The following KPNA4 variants were observed in gnomAD, a reference collection of about 807,000 sequenced individuals.
KPNA4 encodes the protein importin subunit alpha-3.
Under a neutral mutation model 71.3 loss-of-function variants are expected in KPNA4, and 13 were observed. The ratio of observed to expected loss-of-function variants is 0.18; its 90% confidence interval spans 0.12 to 0.29. The LOEUF is 0.29. Ranked by LOEUF, KPNA4 falls within the 10% of genes least tolerant of loss-of-function variation. KPNA4 has a pLI of 1.00. For missense variants in KPNA4, 334 were observed against 603.2 expected (o/e 0.55, Z 4.67); for synonymous variants, 189 against 195.2 (o/e 0.97, Z 0.26).
chr3:160,515,402 C>A, intron 12 of KPNA4, 50 bp downstream of exon 12: 1 of 1,455,888 alleles, frequency 6.9e-7, no homozygotes, highest in Non-Finnish European at 9.4e-7. Flanking sequence ...CAAATAGAAA[C>A]TGTTAACATT....
At chr3:160,503,337 C>T (rs952586870) in intron 16 of KPNA4, among the ~76,000 whole-genome samples, 1 of 152,054 alleles carries the variant, frequency 6.6e-6, no homozygotes, top group African/African-American at 2.4e-5. Flanking sequence ...ATTCCAAAAT[C>T]TGAAACTTTC....
rs1474976511 is a variant in KPNA4, at chr3:160,499,144, A to C, written c.*2960T>G. 1 of 152,230 alleles carries C rather than the reference A, an allele frequency of 6.6e-6. No individual in the cohort carries two copies. The highest frequency in any genetic ancestry group is 1.9e-4 in the East Asian group (1 of 5,208). The allele number at this position is 152,230 out of a possible 1,614,324, so 9.4% of individuals were successfully genotyped here. ...ATTCTAGATCCATTTTTAATGATTC[A>C]TAGATAGCTCTAATTATAGAAATGC... On this transcript the variant is annotated 3_prime_UTR_variant, in exon 17 of 17. Transcript: ENST00000334256.
intron 3 of KPNA4, 43 bp downstream of exon 3, chr3:160,535,765 C>T (rs935519190): frequency 1.3e-6 from 2 of 1,562,298 alleles, no homozygotes; most frequent in Non-Finnish European, 1.7e-6. Flanking sequence ...AAATCTTTCA[C>T]TCGTACTTTT....
intron 1 of KPNA4, among the ~76,000 whole-genome samples, chr3:160,551,941 G>C (rs922698857): frequency 3.4e-5 from 3 of 89,552 alleles, no homozygotes; most frequent in African/African-American, 9.9e-5. Context: ...GTCACAACTG[G>C]GGGGGGGGGG....
At chr3:160,556,953 C>T (rs1448335720) in intron 1 of KPNA4, among the ~76,000 whole-genome samples, 2 of 152,206 alleles carry the variant, frequency 1.3e-5, no homozygotes, top group Non-Finnish European at 2.9e-5. Context: ...ATAGGTAGGA[C>T]TATAGGTGTG....
intron 2 of KPNA4, among the ~76,000 whole-genome samples, chr3:160,536,279 A>T (rs931684542): frequency 6.6e-6 from 1 of 152,156 alleles, no homozygotes; most frequent in Admixed American, 6.5e-5. Context: ...ACCACCTAAA[A>T]GCAAAGTCAA....
rs1470910738 is a variant in KPNA4, at chr3:160,538,158, T to C, written c.70-1318A>G. On this transcript the variant is annotated intron_variant, in intron 1 of 16. Coordinates refer to ENST00000334256, the MANE Select transcript of KPNA4 (RefSeq NM_002268.5). ...GTATGTATATATGTATATATATGTATATATGTGTGTATATATGTACATATA... is the reference window on the plus strand; with the variant it reads ...GTATGTATATATGTATATATATGTACATATGTGTGTATATATGTACATATA... Among the ~76,000 whole-genome samples the C allele has an allele frequency of 7.3e-5, 11 of 150,084 alleles. No individual in the cohort carries two copies. The Admixed American group carries it at 7.3e-4, about 10-fold the overall frequency.
rs1409119323 is a variant in KPNA4 at position 160,546,514 on chromosome 3, T to A, written c.70-9674A>T. ...GCCTGGGTGATAGAGCAAGACTCCA[T>A]CTCAGAAAAAAAGAAGAATCTGTGA... On this transcript the variant is annotated intron_variant, in intron 1 of 16. Transcript: ENST00000334256. Among the ~76,000 whole-genome samples the A allele has an allele frequency of 2.0e-5, 3 of 152,124 alleles. 1 individual carries two copies.
rs1438378146 is a variant in KPNA4, at chr3:160,526,112, A to T, written c.557-5T>A. The T allele has an allele frequency of 5.3e-6, 8 of 1,506,862 alleles. No homozygotes were observed. The highest frequency in any genetic ancestry group is 7.1e-6 in the Non-Finnish European group (8 of 1,134,420). 93.3% of individuals were successfully genotyped at this position (1,506,862 alleles called of 1,614,324 possible). A position where few individuals can be genotyped will look rare whatever the true frequency, so the allele number is the denominator to read the frequency against. ...CTCTACACTGGGGCCCATCACCTGT[A>T]GAAAAAAAGGATTAATTTACTCAAT... On this transcript the variant is annotated splice_polypyrimidine_tract_variant and splice_region_variant and intron_variant, in intron 8 of 16. Coordinates refer to ENST00000334256, the MANE Select transcript of KPNA4 (RefSeq NM_002268.5).
rs778537548 is a variant in KPNA4 at position 160,530,816 on chromosome 3, A to G, written c.469+39T>C. ...TCACTATTTTTTACCGACTTCTTTTAAAAAAAATCACAATTATGTTTATTA... is the reference window on the plus strand; with the variant it reads ...TCACTATTTTTTACCGACTTCTTTTGAAAAAAATCACAATTATGTTTATTA... On this transcript the variant is annotated intron_variant, in intron 7 of 16. Coordinates refer to ENST00000334256, the MANE Select transcript of KPNA4 (RefSeq NM_002268.5). 19 of 1,401,920 alleles carry G rather than the reference A, an allele frequency of 1.4e-5. No individual in the cohort carries two copies. In the African/African-American group the frequency reaches 2.8e-4, roughly 21 times the overall value. 86.8% of individuals were successfully genotyped at this position (1,401,920 alleles called of 1,614,324 possible). A position where few individuals can be genotyped will look rare whatever the true frequency, so the allele number is the denominator to read the frequency against.
At chr3:160,519,388 T>C (rs997629626) in intron 11 of KPNA4, among the ~76,000 whole-genome samples, 1 of 152,214 alleles carries the variant, frequency 6.6e-6, no homozygotes, top group Non-Finnish European at 1.5e-5. Context: ...ATCTGGATAC[T>C]GATTTGGTAA....
At chr3:160,505,173 G>T in intron 15 of KPNA4, 121 bp from the exon 16 acceptor site, 1 of 444,492 alleles carries the variant, frequency 2.2e-6, no homozygotes, top group South Asian at 6.2e-5. Flanking sequence ...TATAATTTTT[G>T]GGAATTTAAA....
intron 1 of KPNA4, among the ~76,000 whole-genome samples, chr3:160,542,253 C>T (rs1156670246): frequency 6.6e-6 from 1 of 152,184 alleles, no homozygotes; most frequent in Non-Finnish European, 1.5e-5. Flanking sequence ...ATTATCATCA[C>T]AACCCAAACA....
rs771956017 is a variant in KPNA4, at chr3:160,536,788, A to T, written c.114+8T>A. ...TGCTTAGAAGTACCCAATATTAATC[A>T]GACTCACCTTCCTTAATTCAACTAC... On this transcript the variant is annotated splice_region_variant and intron_variant, in intron 2 of 16. Transcript: ENST00000334256. The T allele has an allele frequency of 3.8e-6, 6 of 1,559,102 alleles. No homozygotes were observed. Among genetic ancestry groups the T allele is most frequent in the Non-Finnish European group, 5.3e-6 (6 of 1,135,460 alleles).
rs370109852 is a variant in KPNA4, at chr3:160,495,561, T to C, written c.*6543A>G. The C allele has an allele frequency of 1.3e-5, 2 of 152,070 alleles. No individual in the cohort carries two copies. Among genetic ancestry groups the C allele is most frequent in the South Asian group, 2.1e-4 (1 of 4,818 alleles). The allele number at this position is 152,070 out of a possible 1,614,324, so 9.4% of individuals were successfully genotyped here. ...AACTAGCTTGTCTATATGAGTTCTA[T>C]AAACATATGTAATTTTACCTTAACT... On this transcript the variant is annotated 3_prime_UTR_variant, in exon 17 of 17. Coordinates refer to ENST00000334256, the MANE Select transcript of KPNA4 (RefSeq NM_002268.5).
rs368218929 is a variant in KPNA4 at position 160,526,201 on chromosome 3, A to T, written c.557-94T>A. On this transcript the variant is annotated intron_variant, in intron 8 of 16. Coordinates refer to ENST00000334256, the MANE Select transcript of KPNA4 (RefSeq NM_002268.5). ...GCACTGGGAATATGCTGCTTCATGT[A>T]TTTTATCCAGATACACTGTTCAGTT... 117 of 905,464 alleles carry T rather than the reference A, an allele frequency of 1.3e-4. 1 individual carries two copies. In the East Asian group the frequency reaches 2.3e-3, roughly 18 times the overall value. The allele number at this position is 905,464 out of a possible 1,614,324, so 56.1% of individuals were successfully genotyped here. A position where few individuals can be genotyped will look rare whatever the true frequency, so the allele number is the denominator to read the frequency against.
chr3:160,555,013 C>T (rs1722109213), intron 1 of KPNA4, among the ~76,000 whole-genome samples: 1 of 152,182 alleles, frequency 6.6e-6, no homozygotes, highest in South Asian at 2.1e-4. Flanking sequence ...GAAGACATAA[C>T]CTGTGCTTGT....
Position 160,505,057 on chromosome 3 carries a change from A to G in KPNA4, c.1373-5T>C. 1 of 1,491,960 alleles carries G rather than the reference A, an allele frequency of 6.7e-7. No individual in the cohort carries two copies. Among genetic ancestry groups the G allele is most frequent in the South Asian group, 1.4e-5 (1 of 70,572 alleles). The allele number at this position is 1,491,960 out of a possible 1,614,324, so 92.4% of individuals were successfully genotyped here. ...GTTGTTCAATTTTCTCCAGCCCTGC[A>G]AGAAATTTTGCAATGTGAAACAATA... On this transcript the variant is annotated splice_polypyrimidine_tract_variant and splice_region_variant and intron_variant, in intron 15 of 16. Coordinates refer to ENST00000334256, the MANE Select transcript of KPNA4 (RefSeq NM_002268.5).
intron 10 of KPNA4, among the ~76,000 whole-genome samples, chr3:160,524,859 T>C (rs1397979927): frequency 6.6e-6 from 1 of 152,356 alleles, no homozygotes; most frequent in South Asian, 2.1e-4. Context: ...CTAATTTTAA[T>C]TTGTTCCATA....
Sources: gnomAD v4.1 joint callset for allele counts (sites outside exome capture counted in the v4.1 genomes callset) on GRCh38, gnomAD v4.1.1 for gene constraint, MANE v1.5 for transcripts, NCBI Gene and HGNC (gene_info 2026-07-23, HGNC 2026-07-21) for gene names.